TCF25: variants seen among roughly 807,000 people sequenced by gnomAD.
TCF25 encodes ribosome quality control complex subunit TCF25.
Under a neutral mutation model 83.1 loss-of-function variants are expected in TCF25, and 41 were observed. The observed-to-expected ratio is 0.49, with a 90% CI of 0.38 to 0.64. TCF25 has a LOEUF of 0.64. TCF25 is among the 30% of genes least tolerant of loss of function. The pLI is 0.00. For synonymous variants in TCF25, 458 were observed against 365.0 expected (o/e 1.25, Z -2.90); for missense variants, 979 against 914.5 (o/e 1.07, Z -0.91).
At position 89,906,372 on chromosome 16, in the gene TCF25, C is replaced by G. The variant is rs955449773; in HGVS notation, c.1719+88C>G. On this transcript the variant is annotated intron_variant, in intron 15 of 17. Transcript: ENST00000263346. ...TCCGGGCGGTCCACATGCAGGCGTG[C>G]GTGGTGCGGGCTCCCTCAGCAGCCC... 5.3e-6 allele frequency: 7 copies of G among 1,324,186 alleles called. No individual in the cohort carries two copies. In the African/African-American group the frequency reaches 5.8e-5, roughly 11 times the overall value. 82.0% of individuals were successfully genotyped at this position (1,324,186 alleles called of 1,614,324 possible).
At chr16:89,906,855 A>AGTAGAGTGGTT (rs2044833249) in intron 15 of TCF25, among the ~76,000 whole-genome samples, 1 of 152,070 alleles carries the variant, frequency 6.6e-6, no homozygotes, top group African/African-American at 2.4e-5. Context: ...GTAGAGTGGC[A>AGTAGAGTGGTT]GCACGTGGCA....
At chr16:89,910,195 G>C in intron 16 of TCF25, 1 of 229,168 alleles carries the variant, frequency 4.4e-6, no homozygotes, top group South Asian at 6.2e-5. Context: ...CACCGTGAGG[G>C]TCTCCGCTTA....
intron 16 of TCF25, among the ~76,000 whole-genome samples, chr16:89,908,439 T>G (rs1365936670): frequency 7.0e-6 from 1 of 142,278 alleles, no homozygotes; most frequent in African/African-American, 2.7e-5. Flanking sequence ...AGTTCCCACC[T>G]CCTTCCTCGC....
chr16:89,893,008 C>A (rs2043549116), intron 6 of TCF25, among the ~76,000 whole-genome samples: 2 of 152,222 alleles, frequency 1.3e-5, no homozygotes, highest in African/African-American at 4.8e-5. Flanking sequence ...AGGAGCGAGG[C>A]CTGTGCTGTC....
At chr16:89,876,701 C>T (rs775328915) in intron 1 of TCF25, among the ~76,000 whole-genome samples, 7 of 151,510 alleles carry the variant, frequency 4.6e-5, no homozygotes, top group South Asian at 2.1e-4. Flanking sequence ...CCGACGTGGG[C>T]GGATCATGAG....
At chr16:89,902,412 G>A (rs1330494178) in intron 12 of TCF25, among the ~76,000 whole-genome samples, 5 of 51,900 alleles carry the variant, frequency 9.6e-5, no homozygotes, top group Non-Finnish European at 1.8e-4. Context: ...GCCTCCGGCC[G>A]GGCGCGGTGG....
chr16:89,879,460 C>G (rs1475466275), intron 1 of TCF25, among the ~76,000 whole-genome samples: 2 of 120,686 alleles, frequency 1.7e-5, no homozygotes, highest in African/African-American at 6.7e-5. Context: ...TCCGTGTACA[C>G]AGATGGGCTT....
rs377185681 is a variant in TCF25, at chr16:89,892,299, G to A, written c.697+24G>A. The A allele has an allele frequency of 1.2e-5, 19 of 1,600,872 alleles. No individual in the cohort carries two copies. In the South Asian group the frequency reaches 1.2e-4, roughly 10 times the overall value. On this transcript the variant is annotated intron_variant, in intron 6 of 17. Coordinates refer to ENST00000263346, the MANE Select transcript of TCF25 (RefSeq NM_014972.3). The stretch of plus-strand genomic sequence containing the variant: ...AGGTGAGGGTCTGCAGATGCTGCTG[G>A]GGATGGAGGGTTGGGGGGCGTTGTC...
rs764172998 is a variant in TCF25 at position 89,898,828 on chromosome 16, G to A, written c.1177G>A (p.Ala393Thr). ...GCTCATCGACCACCTGGCCTTGCGG[G>A]CCCGGAACTACGAGTACCTGATCCG... ...LLLIDHLALR[A>T]RNYEYLIRLF... Residue 393 changes from alanine to threonine, a missense_variant, in exon 11 of 18, where the codon GCC (alanine) becomes ACC (threonine). Transcript: ENST00000263346. 2 of 1,613,858 alleles carry A rather than the reference G, an allele frequency of 1.2e-6. No homozygotes were observed. Among genetic ancestry groups the A allele is most frequent in the Admixed American group, 3.3e-5 (2 of 60,028 alleles).
chr16:89,890,093 C>A, intron 5 of TCF25: 1 of 152,336 alleles, frequency 6.6e-6, no homozygotes, highest in Non-Finnish European at 1.5e-5. Context: ...TGGTCTCGAT[C>A]TCCTGACCTC....
chr16:89,883,729 T>C, intron 2 of TCF25: 1 of 559,080 alleles, frequency 1.8e-6, no homozygotes, highest in Non-Finnish European at 3.2e-6. Context: ...CAGGAGAGTC[T>C]GCGCCTGCCC....
chr16:89,878,534 G>A (rs1195495737), intron 1 of TCF25: 6 of 1,234,256 alleles, frequency 4.9e-6, no homozygotes, highest in Middle Eastern at 2.3e-4. Flanking sequence ...AATGCTGATC[G>A]AGCTTTATCC....
intron 14 of TCF25, 96 bp downstream of exon 14, chr16:89,905,192 G>A (rs1186934847): frequency 2.1e-6 from 3 of 1,438,480 alleles, no homozygotes; most frequent in Non-Finnish European, 2.7e-6. Flanking sequence ...GAGAAGGGCT[G>A]TGAGCAGCTT....
intron 14 of TCF25, among the ~76,000 whole-genome samples, chr16:89,905,799 C>T (rs954505226): frequency 6.6e-6 from 1 of 152,232 alleles, no homozygotes; most frequent in African/African-American, 2.4e-5. Flanking sequence ...GTTCCCTGTA[C>T]TGCTCTCCAA....
intron 16 of TCF25, 170 bp from the exon 17 acceptor site, chr16:89,910,421 C>T (rs558754751): frequency 1.2e-5 from 8 of 658,288 alleles, no homozygotes; most frequent in Admixed American, 7.6e-5. Context: ...GGAAGCCTCA[C>T]GGGCCACCCG....
chr16:89,899,677 G>A (rs938655905), intron 11 of TCF25, among the ~76,000 whole-genome samples: 7 of 151,780 alleles, frequency 4.6e-5, no homozygotes, highest in African/African-American at 9.7e-5. Context: ...GCGGTGAGCC[G>A]AGATCGCGCC....
intron 12 of TCF25, among the ~76,000 whole-genome samples, chr16:89,903,137 G>A (rs2044485146): frequency 2.0e-5 from 3 of 152,270 alleles, no homozygotes; most frequent in Admixed American, 2.0e-4. Context: ...TGTCCTTTGT[G>A]GCAGAGCTGT....
At chr16:89,902,726 G>A (rs898232487) in intron 12 of TCF25, among the ~76,000 whole-genome samples, 1 of 150,448 alleles carries the variant, frequency 6.6e-6, no homozygotes. Context: ...GGCCTCCTCC[G>A]AGGGGCTGTG....
intron 8 of TCF25, among the ~76,000 whole-genome samples, chr16:89,895,558 C>G (rs905545903): frequency 1.3e-5 from 2 of 152,232 alleles, no homozygotes; most frequent in Non-Finnish European, 2.9e-5. Flanking sequence ...ACTGTAGCGT[C>G]GATCAGAACG....
Sources: allele counts gnomAD v4.1 joint callset (sites outside exome capture counted in the v4.1 genomes callset), GRCh38; gene constraint gnomAD v4.1.1; transcripts MANE v1.5; gene names NCBI Gene and HGNC (gene_info 2026-07-23, HGNC 2026-07-21).